Variants in ITGAV observed in about 807,000 individuals in gnomAD.
ITGAV encodes the protein integrin subunit alpha V.
Under a neutral mutation model 143.8 loss-of-function variants are expected in ITGAV, and 76 were observed. The ratio of observed to expected loss-of-function variants is 0.53; its 90% confidence interval spans 0.44 to 0.64. The LOEUF (loss-of-function observed/expected upper bound fraction) is 0.64, where lower values mean the gene tolerates loss of function less well. Ranked by LOEUF, ITGAV falls within the 30% of genes least tolerant of loss-of-function variation. ITGAV has a pLI of 0.00. For missense variants in ITGAV, 1,193 were observed against 1,274.7 expected (o/e 0.94, Z 0.98); for synonymous variants, 453 against 446.7 (o/e 1.01, Z -0.18).
In ITGAV at chr2:186,663,967, A is replaced by G. The variant is rs1688819132; in HGVS notation, c.1925+132A>G. On this transcript the variant is annotated intron_variant, in intron 19 of 29. Transcript: ENST00000261023. ...GTAATGCCTGATTTTCTATAACACT[A>G]AAACTATCAATATTGAGCTTCTAAA... is the stretch of plus-strand genomic sequence containing the variant. The G allele has an allele frequency of 2.8e-5, 18 of 633,558 alleles. No individual in the cohort carries two copies. The South Asian group carries it at 3.6e-4, about 13-fold the overall frequency. 39.2% of individuals were successfully genotyped at this position (633,558 alleles called of 1,614,324 possible). A position where few individuals can be genotyped will look rare whatever the true frequency, so the allele number is the denominator to read the frequency against.
chr2:186,670,591 A>G (rs895997945), intron 26 of ITGAV, among the ~76,000 whole-genome samples: 19 of 152,154 alleles, frequency 1.2e-4, no homozygotes, highest in Admixed American at 3.9e-4. Flanking sequence ...ATGAACCACC[A>G]TGCCCAGCAC....
chr2:186,666,177 A>C (rs1005103964), intron 21 of ITGAV, among the ~76,000 whole-genome samples: 1 of 152,148 alleles, frequency 6.6e-6, no homozygotes, highest in Non-Finnish European at 1.5e-5. Context: ...TGGTGGTTCA[A>C]TTGTTTTATT....
At chr2:186,673,790 A>G (rs912509958) in intron 26 of ITGAV, among the ~76,000 whole-genome samples, 1 of 151,744 alleles carries the variant, frequency 6.6e-6, no homozygotes, top group Non-Finnish European at 1.5e-5. Context: ...GCCTTGGCCT[A>G]CCGAGTAGCT....
At chr2:186,656,856 T>C (rs933674389) in intron 17 of ITGAV, among the ~76,000 whole-genome samples, 6 of 152,160 alleles carry the variant, frequency 3.9e-5, no homozygotes, top group African/African-American at 1.4e-4. Context: ...TGTATAAGGC[T>C]AAGTGTTCTT....
At chr2:186,621,186 T>A (rs554197271) in intron 2 of ITGAV, among the ~76,000 whole-genome samples, 2 of 152,312 alleles carry the variant, frequency 1.3e-5, no homozygotes, top group East Asian at 3.9e-4. Flanking sequence ...ACTTATTGAT[T>A]GCTGTGTCTT....
intron 2 of ITGAV, among the ~76,000 whole-genome samples, chr2:186,603,530 G>C (rs903660308): frequency 6.6e-6 from 1 of 151,936 alleles, no homozygotes; most frequent in Non-Finnish European, 1.5e-5. Context: ...CTAATACTTG[G>C]AAAACTCCAA....
At chr2:186,654,421 T>A (rs1187420719) in intron 15 of ITGAV, among the ~76,000 whole-genome samples, 1 of 152,164 alleles carries the variant, frequency 6.6e-6, no homozygotes, top group African/African-American at 2.4e-5. Context: ...TAGGACATTA[T>A]TTTTCTTTTT....
In ITGAV at chr2:186,663,956, T is replaced by A. The variant is rs2105741438; in HGVS notation, c.1925+121T>A. Reference sequence around the variant, plus strand: ...TATCCTGGAGGGTAATGCCTGATTTTCTATAACACTAAAACTATCAATATT... The same window carrying A: ...TATCCTGGAGGGTAATGCCTGATTTACTATAACACTAAAACTATCAATATT... On this transcript the variant is annotated intron_variant, in intron 19 of 29. Transcript: ENST00000261023. 5 of 666,782 alleles carry A rather than the reference T, an allele frequency of 7.5e-6. No homozygotes were observed. In the East Asian group the frequency reaches 1.4e-4, roughly 18 times the overall value. The allele number at this position is 666,782 out of a possible 1,614,324, so 41.3% of individuals were successfully genotyped here.
chr2:186,662,171 T>C (rs1051620203), intron 18 of ITGAV, among the ~76,000 whole-genome samples: 3 of 152,218 alleles, frequency 2.0e-5, no homozygotes, highest in Non-Finnish European at 4.4e-5. Context: ...TAACTGGGAA[T>C]GTTATACATA....
intron 1 of ITGAV, among the ~76,000 whole-genome samples, chr2:186,591,067 C>T (rs1310646456): frequency 6.6e-6 from 1 of 152,154 alleles, no homozygotes. Context: ...CCATACTGTC[C>T]TATTGAATTC....
intron 18 of ITGAV, among the ~76,000 whole-genome samples, chr2:186,662,298 T>A (rs1688770178): frequency 6.6e-6 from 1 of 152,144 alleles, no homozygotes; most frequent in Non-Finnish European, 1.5e-5. Context: ...AGTCCTTTTT[T>A]AAAAAGGCTT....
intron 17 of ITGAV, among the ~76,000 whole-genome samples, chr2:186,657,904 A>G (rs1248000300): frequency 6.6e-6 from 1 of 152,160 alleles, no homozygotes; most frequent in Non-Finnish European, 1.5e-5. Context: ...GGCAATATCT[A>G]TCAAACATTC....
chr2:186,600,386 G>C (rs1686867613), intron 1 of ITGAV: 1 of 1,535,436 alleles, frequency 6.5e-7, no homozygotes, highest in Non-Finnish European at 8.8e-7. Flanking sequence ...GTTGTGGTGA[G>C]TTCCTTAGAA....
Position 186,616,282 on chromosome 2 carries a change from T to A in ITGAV, c.317-6057T>A, listed in dbSNP as rs1007675607. Among the ~76,000 whole-genome samples the A allele has an allele frequency of 8.2e-4, 116 of 142,096 alleles. No individual in the cohort carries two copies. In the Middle Eastern group the frequency reaches 0.017, roughly 21 times the overall value. The allele number at this position is 142,096 out of a possible 152,430, so 93.2% of individuals were successfully genotyped here. On this transcript the variant is annotated intron_variant, in intron 2 of 29. Coordinates refer to ENST00000261023, the MANE Select transcript of ITGAV (RefSeq NM_002210.5). Reference sequence around the variant, plus strand: ...GTCAATGATATACCTTATTTTTTTTTTTTTTTTTTTTTTTGAGACGGAGTC... The same window carrying A: ...GTCAATGATATACCTTATTTTTTTTATTTTTTTTTTTTTTGAGACGGAGTC...
chr2:186,661,449 G>A (rs560585804), intron 18 of ITGAV, among the ~76,000 whole-genome samples: 69 of 152,174 alleles, frequency 4.5e-4, no homozygotes, highest in Non-Finnish European at 6.8e-4. Flanking sequence ...GCTTGCGAGC[G>A]GTTACTATAT....
chr2:186,596,536 G>A (rs1460607622), intron 1 of ITGAV, among the ~76,000 whole-genome samples: 1 of 149,484 alleles, frequency 6.7e-6, no homozygotes, highest in Admixed American at 6.7e-5. Context: ...TGCAACCTTC[G>A]CCTCCTGGAT....
intron 18 of ITGAV, 98 bp downstream of exon 18, chr2:186,659,273 A>T (rs1042873910): frequency 2.2e-5 from 18 of 818,686 alleles, no homozygotes; most frequent in Non-Finnish European, 3.1e-5. Context: ...TCATATTGAT[A>T]GATGTTTAGT....
intron 2 of ITGAV, among the ~76,000 whole-genome samples, chr2:186,606,501 C>T (rs182376893): frequency 6.6e-6 from 1 of 152,284 alleles, no homozygotes; most frequent in East Asian, 1.9e-4. Flanking sequence ...TGAAATGGCT[C>T]AGTAAACATG....
chr2:186,636,989 AG>A, intron 7 of ITGAV, 75 bp from the exon 8 acceptor site: 1 of 1,188,910 alleles, frequency 8.4e-7, no homozygotes, highest in Non-Finnish European at 1.3e-6. Context: ...AATATTTTCA[AG>A]GAATGCTTAC....
Sources: gnomAD v4.1 joint callset for allele counts (sites outside exome capture counted in the v4.1 genomes callset) on GRCh38, gnomAD v4.1.1 for gene constraint, MANE v1.5 for transcripts, NCBI Gene and HGNC (gene_info 2026-07-23, HGNC 2026-07-21) for gene names.